The following VWC2L variants were observed in gnomAD, a reference collection of about 807,000 sequenced individuals.
VWC2L encodes von Willebrand factor C domain-containing protein 2-like.
In VWC2L, 10 loss-of-function variants were observed where a neutral mutation model predicts 21.6. That is an observed-to-expected ratio of 0.46 (90% CI 0.29 to 0.78). VWC2L has a LOEUF of 0.78. Ranked by LOEUF, VWC2L falls within the 30% of genes least tolerant of loss-of-function variation. The pLI is 0.10. For synonymous variants in VWC2L, 96 were observed against 94.3 expected (o/e 1.02, Z -0.10); for missense variants, 209 against 277.1 (o/e 0.75, Z 1.74).
intron 3 of VWC2L, among the ~76,000 whole-genome samples, chr2:214,448,927 C>T (rs1702913363): frequency 6.6e-6 from 1 of 152,150 alleles, no homozygotes; most frequent in Non-Finnish European, 1.5e-5. Flanking sequence ...ACTCAATGCC[C>T]TCTGAGTCAT....
intron 3 of VWC2L, among the ~76,000 whole-genome samples, chr2:214,525,746 T>C (rs1479313268): frequency 6.6e-6 from 1 of 152,198 alleles, no homozygotes; most frequent in East Asian, 1.9e-4. Context: ...TAGTCAATGA[T>C]TGTTGTGACA....
intron 3 of VWC2L, among the ~76,000 whole-genome samples, chr2:214,573,599 G>T (rs538180549): frequency 6.6e-6 from 1 of 152,232 alleles, no homozygotes; most frequent in South Asian, 2.1e-4. Context: ...GCTGAGAGAG[G>T]TCTGTCAACA....
At position 214,503,069 on chromosome 2, in the gene VWC2L, C is replaced by T. The variant is rs139670762; in HGVS notation, c.520+66311C>T. ...TATTGGGAAGGCAGTTCAAAACTGG[C>T]TACCATCGTATCTAGGCACGTAGCA... is the stretch of plus-strand genomic sequence containing the variant. On this transcript the variant is annotated intron_variant, in intron 3 of 3. Coordinates refer to ENST00000312504, the MANE Select transcript of VWC2L (RefSeq NM_001080500.4). Among the ~76,000 whole-genome samples the T allele has an allele frequency of 3.1e-3, 477 of 152,302 alleles. 3 individuals carry two copies. The highest frequency in any genetic ancestry group is 0.011 in the African/African-American group (447 of 41,574).
chr2:214,413,152 G>A (rs748279596), intron 1 of VWC2L, among the ~76,000 whole-genome samples: 7 of 151,992 alleles, frequency 4.6e-5, no homozygotes, highest in Non-Finnish European at 8.8e-5. Flanking sequence ...CTTCCATAAA[G>A]AATTTTATGC....
At chr2:214,531,535 T>C (rs545270338) in intron 3 of VWC2L, among the ~76,000 whole-genome samples, 1 of 152,274 alleles carries the variant, frequency 6.6e-6, no homozygotes, top group South Asian at 2.1e-4. Flanking sequence ...CAACTTTTCC[T>C]TCAAGTAAAG....
chr2:214,502,707 C>A (rs1384910026), intron 3 of VWC2L, among the ~76,000 whole-genome samples: 1 of 152,196 alleles, frequency 6.6e-6, no homozygotes, highest in Admixed American at 6.5e-5. Context: ...CAGTTGCAGT[C>A]TCCCCTCTAT....
At chr2:214,428,733 A>C (rs1352035953) in intron 2 of VWC2L, among the ~76,000 whole-genome samples, 2 of 151,506 alleles carry the variant, frequency 1.3e-5, no homozygotes, top group Non-Finnish European at 2.9e-5. Flanking sequence ...TTTCTTCATA[A>C]CCTGTCAAAG....
intron 3 of VWC2L, among the ~76,000 whole-genome samples, chr2:214,545,036 A>T (rs1372009981): frequency 6.6e-6 from 1 of 152,194 alleles, no homozygotes; most frequent in African/African-American, 2.4e-5. Flanking sequence ...TTACTTTGGA[A>T]AGCAGTGTCT....
chr2:214,498,773 A>G (rs1455840015), intron 3 of VWC2L, among the ~76,000 whole-genome samples: 1 of 149,670 alleles, frequency 6.7e-6, no homozygotes, highest in African/African-American at 2.4e-5. Context: ...ACATACATGT[A>G]TTTTAATATG....
At chr2:214,456,485 A>G (rs1703058338) in intron 3 of VWC2L, among the ~76,000 whole-genome samples, 1 of 152,028 alleles carries the variant, frequency 6.6e-6, no homozygotes, top group Non-Finnish European at 1.5e-5. Context: ...TGTCAGATGA[A>G]AAGTTCACAA....
At chr2:214,441,878 C>G (rs1411569246) in intron 3 of VWC2L, among the ~76,000 whole-genome samples, 1 of 149,936 alleles carries the variant, frequency 6.7e-6, no homozygotes, top group Non-Finnish European at 1.5e-5. Context: ...AAATATGTAT[C>G]TTATAATAAA....
At chr2:214,534,904 G>A (rs887720493) in intron 3 of VWC2L, among the ~76,000 whole-genome samples, 1 of 152,058 alleles carries the variant, frequency 6.6e-6, no homozygotes, top group African/African-American at 2.4e-5. Context: ...GTGAAAACAA[G>A]GGAAATTTTC....
chr2:214,527,254 G>A (rs888830200), intron 3 of VWC2L, among the ~76,000 whole-genome samples: 1 of 152,138 alleles, frequency 6.6e-6, no homozygotes, highest in African/African-American at 2.4e-5. Context: ...AGAGGGTGGA[G>A]GGAAGGAGTG....
At chr2:214,558,378 C>T (rs550133300) in intron 3 of VWC2L, among the ~76,000 whole-genome samples, 1 of 152,286 alleles carries the variant, frequency 6.6e-6, no homozygotes, top group South Asian at 2.1e-4. Flanking sequence ...TTCTATTCCC[C>T]TATTCATCTC....
intron 3 of VWC2L, among the ~76,000 whole-genome samples, chr2:214,558,511 C>A (rs1011752396): frequency 3.9e-5 from 6 of 152,196 alleles, no homozygotes; most frequent in African/African-American, 1.4e-4. Context: ...ACTTAAGGAG[C>A]ATGTTCTACC....
chr2:214,415,845 C>T (rs779699575), intron 2 of VWC2L, among the ~76,000 whole-genome samples: 38 of 151,914 alleles, frequency 2.5e-4, no homozygotes, highest in Admixed American at 2.6e-4. Flanking sequence ...TTTTGTCTTT[C>T]GTGTATTATT....
At chr2:214,518,034 C>T (rs1397098541) in intron 3 of VWC2L, among the ~76,000 whole-genome samples, 1 of 152,130 alleles carries the variant, frequency 6.6e-6, no homozygotes, top group East Asian at 1.9e-4. Context: ...GGCGTAGTGG[C>T]AGGCACCTGC....
At position 214,414,180 on chromosome 2, in the gene VWC2L, C is replaced by G; in HGVS notation, c.-14C>G. 1 of 1,602,732 alleles carries G rather than the reference C, an allele frequency of 6.2e-7. No individual in the cohort carries two copies. Among genetic ancestry groups the G allele is most frequent in the Non-Finnish European group, 8.5e-7 (1 of 1,177,488 alleles). ...TAATATTAGGAGCACATCCAGAAGT[C>G]TTTGAAGAGGGGGATGGCTCTTCAT... On this transcript the variant is annotated 5_prime_UTR_variant, in exon 2 of 4. Transcript: ENST00000312504.
At chr2:214,505,662 G>T (rs1688957559) in intron 3 of VWC2L, among the ~76,000 whole-genome samples, 1 of 152,030 alleles carries the variant, frequency 6.6e-6, no homozygotes, top group Admixed American at 6.6e-5. Flanking sequence ...AGAAAATGTG[G>T]CTAAGAAAAT....
Sources: allele counts gnomAD v4.1 joint callset (sites outside exome capture counted in the v4.1 genomes callset), GRCh38; gene constraint gnomAD v4.1.1; transcripts MANE v1.5; gene names NCBI Gene and HGNC (gene_info 2026-07-23, HGNC 2026-07-21).